Variants in RFC4 observed in about 807,000 individuals in gnomAD.
The protein encoded by RFC4 is A1 37 kDa subunit.
RFC4 carries 38 observed loss-of-function variants against 47.6 expected under a neutral mutation model. That is an observed-to-expected ratio of 0.80 (90% CI 0.62 to 1.05). RFC4 has a LOEUF of 1.05. Among genes scored for constraint, RFC4 ranks in the 50% least tolerant of loss-of-function variants. The probability of loss-of-function intolerance (pLI) is 0.00; values close to 1 mark genes in which losing one functional copy is unlikely to be tolerated. For missense variants in RFC4, 489 were observed against 434.0 expected (o/e 1.13, Z -1.13); for synonymous variants, 164 against 150.0 (o/e 1.09, Z -0.68).
chr3:186,806,424 C>T lies in RFC4; in HGVS notation c.-146G>A, dbSNP rs971773672. On this transcript the variant is annotated 5_prime_UTR_variant, in exon 1 of 11. Coordinates refer to ENST00000296273, the MANE Select transcript of RFC4 (RefSeq NM_002916.5). ...GAGAATAACGGGCCCAGGAGACTTA[C>T]GATCACTGATGTCCCCACAGTCGCC... is the stretch of plus-strand genomic sequence containing the variant. The T allele has an allele frequency of 6.6e-6, 1 of 152,382 alleles. No individual in the cohort carries two copies. The highest frequency in any genetic ancestry group is 1.9e-4 in the East Asian group (1 of 5,186). The allele number at this position is 152,382 out of a possible 1,614,324, so 9.4% of individuals were successfully genotyped here.
chr3:186,804,570 C>G lies in RFC4; in HGVS notation c.131+13G>C. On this transcript the variant is annotated intron_variant, in intron 2 of 10. Transcript: ENST00000296273. ...TTTATGAATTATTTTAACAAAGACACAAGTGTTCTTACTATTTTTCCACCC... is the reference window on the plus strand; with the variant it reads ...TTTATGAATTATTTTAACAAAGACAGAAGTGTTCTTACTATTTTTCCACCC... The G allele has an allele frequency of 6.2e-7, 1 of 1,612,472 alleles. No individual in the cohort carries two copies. The highest frequency in any genetic ancestry group is 8.5e-7 in the Non-Finnish European group (1 of 1,179,030).
intron 2 of RFC4, among the ~76,000 whole-genome samples, chr3:186,801,730 A>AAAAAAAAG (rs1348449105): frequency 6.7e-6 from 1 of 149,830 alleles, no homozygotes; most frequent in African/African-American, 2.5e-5. Context: ...AAAAAAAAAA[A>AAAAAAAAG]AGAAATTAAA....
intron 4 of RFC4, among the ~76,000 whole-genome samples, chr3:186,797,185 T>C (rs991980915): frequency 2.0e-5 from 3 of 151,644 alleles, no homozygotes; most frequent in African/African-American, 7.3e-5. Context: ...GCCACACAGA[T>C]GTGAACACAA....
intron 8 of RFC4, chr3:186,791,360 G>A (rs1181880058): frequency 3.8e-6 from 1 of 261,918 alleles, no homozygotes. Flanking sequence ...ATGGTGGCAG[G>A]TGCCTGTAAT....
At chr3:186,804,500 A>G in intron 2 of RFC4, 83 bp downstream of exon 2, 1 of 1,354,146 alleles carries the variant, frequency 7.4e-7, no homozygotes, top group Non-Finnish European at 1.0e-6. Context: ...ATTCCTCCAT[A>G]AGTTAAAAAA....
At chr3:186,798,571 A>G (rs1362392990) in intron 3 of RFC4, among the ~76,000 whole-genome samples, 1 of 152,064 alleles carries the variant, frequency 6.6e-6, no homozygotes, top group African/African-American at 2.4e-5. Context: ...GCTTTTTACC[A>G]TGGCCTAAAG....
chr3:186,797,853 A>G (rs1032573398), intron 3 of RFC4, among the ~76,000 whole-genome samples: 2 of 152,308 alleles, frequency 1.3e-5, no homozygotes, highest in South Asian at 2.1e-4. Context: ...AGCTGAACCA[A>G]TATTTATGCT....
At position 186,790,309 on chromosome 3, in the gene RFC4, TAGTA is replaced by T; in HGVS notation, c.882+13_882+16del. 1.9e-6 allele frequency: 3 copies of T among 1,611,294 alleles called. No individual in the cohort carries two copies. Among genetic ancestry groups the T allele is most frequent in the Non-Finnish European group, 2.5e-6 (3 of 1,177,400 alleles). On this transcript the variant is annotated intron_variant, in intron 9 of 10. Coordinates refer to ENST00000296273, the MANE Select transcript of RFC4 (RefSeq NM_002916.5). Reference sequence around the variant, plus strand: ...GACTTAATATTCCTTTCCCCAAAGTTAGTAAGCTGACTTTACCTTGACCACAGCT... The same window carrying T: ...GACTTAATATTCCTTTCCCCAAAGTTAGCTGACTTTACCTTGACCACAGCT...
At chr3:186,806,252 G>GA (rs1579186227) in intron 1 of RFC4, 38 bp downstream of exon 1, 1 of 152,318 alleles carries the variant, frequency 6.6e-6, no homozygotes, top group East Asian at 1.9e-4. Context: ...CAGGAGTGGG[G>GA]AAGGCGAAGC....
rs753521259 is a variant in RFC4, at chr3:186,789,945, A to AC, written c.*23dup. ...TTATTACAACTTCATTATTTACAAA[A>AC]CCCCCCATCCAGATATATTCACGTT... is the stretch of plus-strand genomic sequence containing the variant. On this transcript the variant is annotated 3_prime_UTR_variant, in exon 11 of 11. Coordinates refer to ENST00000296273, the MANE Select transcript of RFC4 (RefSeq NM_002916.5). The AC allele has an allele frequency of 1.4e-5, 20 of 1,400,408 alleles. No homozygotes were observed. The South Asian group carries it at 1.8e-4, about 13-fold the overall frequency. 86.7% of individuals were successfully genotyped at this position (1,400,408 alleles called of 1,614,324 possible). A position where few individuals can be genotyped will look rare whatever the true frequency, so the allele number is the denominator to read the frequency against.
At chr3:186,804,885 A>G in intron 1 of RFC4, 161 bp from the exon 2 acceptor site, 1 of 633,400 alleles carries the variant, frequency 1.6e-6, no homozygotes, top group Non-Finnish European at 2.7e-6. Flanking sequence ...AAAGGACATC[A>G]CCCCATGACC....
At chr3:186,795,766 C>T (rs1218725283) in intron 4 of RFC4, among the ~76,000 whole-genome samples, 1 of 152,070 alleles carries the variant, frequency 6.6e-6, no homozygotes, top group African/African-American at 2.4e-5. Context: ...GCACTCCAGC[C>T]TGGGCAATAG....
At position 186,789,916 on chromosome 3, in the gene RFC4, ATTTT is replaced by A; in HGVS notation, c.*49_*52del. On this transcript the variant is annotated 3_prime_UTR_variant, in exon 11 of 11. Transcript: ENST00000296273. ...CTTTAAAGGTGCTTTTGGTCATTTT[ATTTT>A]TATTACAACTTCATTATTTACAAAA... The A allele has an allele frequency of 8.5e-7, 1 of 1,171,160 alleles. No individual in the cohort carries two copies. 72.5% of individuals were successfully genotyped at this position (1,171,160 alleles called of 1,614,324 possible).
chr3:186,790,259 T>C lies in RFC4; in HGVS notation c.883-4A>G. 1 of 1,612,540 alleles carries C rather than the reference T, an allele frequency of 6.2e-7. No homozygotes were observed. The highest frequency in any genetic ancestry group is 8.5e-7 in the Non-Finnish European group (1 of 1,178,816). On this transcript the variant is annotated splice_polypyrimidine_tract_variant and splice_region_variant and intron_variant, in intron 9 of 10. Transcript: ENST00000296273. ...CATGACCCTCATCTATTAAATCCTA[T>C]AATAAAAAAAACTTTTGGTATGATG...
chr3:186,801,657 G>A (rs1403009242), intron 2 of RFC4, among the ~76,000 whole-genome samples: 1 of 145,100 alleles, frequency 6.9e-6, no homozygotes, highest in African/African-American at 2.6e-5. Flanking sequence ...CTTGCAGTGA[G>A]CTGAGATCGC....
intron 1 of RFC4, chr3:186,804,938 A>G: frequency 2.5e-6 from 1 of 400,586 alleles, no homozygotes; most frequent in South Asian, 8.5e-5. Context: ...ACAAGAACAG[A>G]AAAGTGGTCA....
chr3:186,801,922 C>CTGAG (rs1373585506), intron 2 of RFC4, among the ~76,000 whole-genome samples: 1 of 147,758 alleles, frequency 6.8e-6, no homozygotes, highest in African/African-American at 2.5e-5. Flanking sequence ...ACTCGGGAGG[C>CTGAG]TGAGGAAGGA....
intron 1 of RFC4, chr3:186,805,430 T>C (rs3917093): frequency 0.011 from 1,607 of 152,374 alleles, 24 homozygotes; most frequent in East Asian, 0.072. Context: ...CCATGTTGCC[T>C]AGGCTGGTCT....
At chr3:186,804,433 A>G (rs1483888691) in intron 2 of RFC4, 150 bp downstream of exon 2, 6 of 666,034 alleles carry the variant, frequency 9.0e-6, no homozygotes, top group Non-Finnish European at 1.4e-5. Context: ...CCAGGGTTCT[A>G]TGACTTATAT....
Sources: gnomAD v4.1 joint callset for allele counts (sites outside exome capture counted in the v4.1 genomes callset) on GRCh38, gnomAD v4.1.1 for gene constraint, MANE v1.5 for transcripts, NCBI Gene and HGNC (gene_info 2026-07-23, HGNC 2026-07-21) for gene names.